CHD1: variants seen among roughly 807,000 people sequenced by gnomAD.
CHD1 encodes chromodomain helicase DNA binding protein 1, also known as ATP-dependent chromatin remodeler CHD1.
Under a neutral mutation model 224.2 loss-of-function variants are expected in CHD1, and 36 were observed. That is an observed-to-expected ratio of 0.16 (90% CI 0.12 to 0.21). CHD1 has a LOEUF of 0.21. Among genes scored for constraint, CHD1 ranks in the 10% least tolerant of loss-of-function variants. The pLI, the probability that CHD1 is intolerant of heterozygous loss-of-function variation, is 1.00. For missense variants in CHD1, 1,378 were observed against 1,994.8 expected (o/e 0.69, Z 5.89); for synonymous variants, 668 against 658.3 (o/e 1.01, Z -0.23).
Position 98,856,472 on chromosome 5 carries a change from G to C in CHD1, c.5041C>G (p.Gln1681Glu). 1.2e-6 allele frequency: 2 copies of C among 1,613,722 alleles called. No individual in the cohort carries two copies. The highest frequency in any genetic ancestry group is 3.3e-5 in the Admixed American group (2 of 60,000). ...GATCTGGAGCCATAAGGAGATCTCT[G>C]ATCTAGTGGTGACCTAGGGCCACTG... is the stretch of plus-strand genomic sequence containing the variant. Reference protein sequence around the residue: ...SSSGPRSPLDQRSPYGSRSPF... With the variant: ...SSSGPRSPLDERSPYGSRSPF... The change falls in exon 36 of 36, where the codon CAG (glutamine) becomes GAG (glutamate). Residue 1681 changes from glutamine (Q) to glutamate (E), a missense_variant. Around this residue, in one of 16 missense-constraint regions of CHD1, gnomAD observed 278 missense variants for 298.5 expected, o/e 0.93. Transcript: ENST00000614616.
chr5:98,858,065 A>C, intron 35 of CHD1, 115 bp downstream of exon 35: 1 of 738,968 alleles, frequency 1.4e-6, no homozygotes, highest in South Asian at 1.8e-5. Context: ...TTTATTTCAC[A>C]AGATTTGTTT....
chr5:98,864,027 C>A (rs1263712798), intron 31 of CHD1, among the ~76,000 whole-genome samples: 2 of 152,124 alleles, frequency 1.3e-5, no homozygotes, highest in African/African-American at 4.8e-5. Context: ...AAACTGTATT[C>A]TTCCAAACCT....
At chr5:98,862,848 T>C (rs144244298) in intron 32 of CHD1, among the ~76,000 whole-genome samples, 2 of 152,184 alleles carry the variant, frequency 1.3e-5, no homozygotes, top group Admixed American at 1.3e-4. Context: ...ATAGTTCCAG[T>C]TAAATGTAAA....
At chr5:98,860,163 T>A (rs1398607757) in intron 32 of CHD1, 95 bp from the exon 33 acceptor site, 4 of 710,118 alleles carry the variant, frequency 5.6e-6, no homozygotes, top group African/African-American at 5.3e-5. Flanking sequence ...CAAACACATA[T>A]ACACATACAC....
Position 98,878,262 on chromosome 5 carries a change from C to A in CHD1, c.3237+1290G>T, listed in dbSNP as rs144275302. ...CAGCCTTGGAGAAAGTGAGCAGTCA[C>A]CTTTGTGGAAACAGGAAGGAAGCCT... On this transcript the variant is annotated intron_variant, in intron 23 of 35. Transcript: ENST00000614616. Among the ~76,000 whole-genome samples the A allele has an allele frequency of 2.0e-5, 3 of 152,318 alleles. No individual in the cohort carries two copies. The East Asian group carries it at 5.8e-4, about 29-fold the overall frequency.
intron 25 of CHD1, among the ~76,000 whole-genome samples, chr5:98,874,620 G>A (rs1452489132): frequency 6.6e-6 from 1 of 151,226 alleles, no homozygotes; most frequent in East Asian, 1.9e-4. Context: ...GCTGAAGCAG[G>A]AGGATCACAT....
chr5:98,856,319 T>C lies in CHD1; in HGVS notation c.*61A>G, dbSNP rs2112434484. ...CTTTCAAGTCATGTAAGGCAATTAC[T>C]GTGTTGGTTTATGATATATGGCTAA... On this transcript the variant is annotated 3_prime_UTR_variant, in exon 36 of 36. Transcript: ENST00000614616. 4 of 1,206,244 alleles carry C rather than the reference T, an allele frequency of 3.3e-6. No homozygotes were observed. In the South Asian group the frequency reaches 5.3e-5, roughly 16 times the overall value. The allele number at this position is 1,206,244 out of a possible 1,614,324, so 74.7% of individuals were successfully genotyped here. A position where few individuals can be genotyped will look rare whatever the true frequency, so the allele number is the denominator to read the frequency against.
intron 31 of CHD1, among the ~76,000 whole-genome samples, chr5:98,868,260 G>A (rs1213480664): frequency 6.7e-6 from 1 of 148,712 alleles, no homozygotes; most frequent in Non-Finnish European, 1.5e-5. Context: ...CCAGGAGGTT[G>A]AAGCCGCAAT....
intron 10 of CHD1, 118 bp from the exon 11 acceptor site, chr5:98,897,438 G>T: frequency 1.5e-6 from 1 of 689,168 alleles, no homozygotes; most frequent in East Asian, 2.9e-5. Flanking sequence ...ATCAAGCTCA[G>T]AGATTCCATT....
Position 98,856,332 on chromosome 5 carries a change from G to A in CHD1, c.*48C>T. 7.2e-7 allele frequency: 1 copy of A among 1,395,306 alleles called. No homozygotes were observed. Among genetic ancestry groups the A allele is most frequent in the Non-Finnish European group, 1.0e-6 (1 of 992,494 alleles). 86.4% of individuals were successfully genotyped at this position (1,395,306 alleles called of 1,614,324 possible). A position where few individuals can be genotyped will look rare whatever the true frequency, so the allele number is the denominator to read the frequency against. ...TAAGGCAATTACTGTGTTGGTTTAT[G>A]ATATATGGCTAAAAGAAAAGTCCAG... On this transcript the variant is annotated 3_prime_UTR_variant, in exon 36 of 36. Transcript: ENST00000614616.
At chr5:98,899,328 T>C (rs780533313) in intron 8 of CHD1, 152 bp downstream of exon 8, 5 of 585,198 alleles carry the variant, frequency 8.5e-6, no homozygotes, top group South Asian at 2.4e-5. Context: ...AAACCAAGGA[T>C]AGAGAAGCTG....
chr5:98,863,532 C>G lies in CHD1; in HGVS notation c.4303G>C (p.Glu1435Gln). 6.2e-7 allele frequency: 1 copy of G among 1,608,692 alleles called. No individual in the cohort carries two copies. Among genetic ancestry groups the G allele is most frequent in the Non-Finnish European group, 8.5e-7 (1 of 1,178,226 alleles). ...KAALKQLDRP[E>Q]KGLSEREQLE... is the part of the protein sequence containing the mutation. Reference sequence around the variant, plus strand: ...TGTTCTCTTTCTGAAAGGCCTTTCTCAGGCCTATCAAGTTGTTTCAAAGCT... The same window carrying G: ...TGTTCTCTTTCTGAAAGGCCTTTCTGAGGCCTATCAAGTTGTTTCAAAGCT... Residue 1435 changes from glutamate to glutamine, a missense_variant, in exon 32 of 36, where the codon GAG becomes CAG. Glu to Gln is a conservative substitution (Grantham distance 29, BLOSUM62 2). Transcript: ENST00000614616.
chr5:98,873,777 TTTAAGA>T (rs758702920), intron 25 of CHD1, 54 bp from the exon 26 acceptor site: 53 of 1,529,118 alleles, frequency 3.5e-5, no homozygotes, highest in Non-Finnish European at 3.3e-5. Flanking sequence ...AGTGGTGCCA[TTTAAGA>T]TTAAGTTTCA....
chr5:98,856,455 G>A lies in CHD1; in HGVS notation c.5058C>T (p.Gly1686=). 1.9e-6 allele frequency: 3 copies of A among 1,601,188 alleles called. No individual in the cohort carries two copies. The highest frequency in any genetic ancestry group is 2.6e-6 in the Non-Finnish European group (3 of 1,174,726). ...RSPLDQRSPY[G]SRSPFEHSVE... The stretch of plus-strand genomic sequence containing the variant: ...CTGAATGTTCAAATGGAGATCTGGA[G>A]CCATAAGGAGATCTCTGATCTAGTG... The change falls in exon 36 of 36, where the codon GGC becomes GGT. Residue 1686 remains glycine, a synonymous_variant. Transcript: ENST00000614616.
rs201811225 is a variant in CHD1, at chr5:98,898,289, G to A, written c.1332C>T (p.Asn444=). The change falls in exon 10 of 36, where the codon AAC becomes AAT. Residue 444 remains asparagine, a synonymous_variant. Coordinates refer to ENST00000614616, the MANE Select transcript of CHD1 (RefSeq NM_001270.4). ...CTTTAAAAGGAGTGGTTTTTGATTG[G>A]TTCCTGCTAAAATACTCATCAATGC... The part of the protein sequence containing the change: ...QACIDEYFSR[N]QSKTTPFKDC... 1.9e-5 allele frequency: 30 copies of A among 1,557,678 alleles called. No homozygotes were observed. The African/African-American group carries it at 3.4e-4, about 18-fold the overall frequency.
Position 98,868,753 on chromosome 5 carries a change from T to C in CHD1, c.4108-118A>G, listed in dbSNP as rs117333428. 2,347 of 955,084 alleles carry C rather than the reference T, an allele frequency of 2.5e-3. 35 individuals are homozygous for C. The East Asian group carries it at 0.03, about 12-fold the overall frequency. 59.2% of individuals were successfully genotyped at this position (955,084 alleles called of 1,614,324 possible). ...TTTATTCTACAAGTGCTCATTCTCA[T>C]TGAATATCCTCATCTATTTTAATTT... On this transcript the variant is annotated intron_variant, in intron 30 of 35. Coordinates refer to ENST00000614616, the MANE Select transcript of CHD1 (RefSeq NM_001270.4).
At chr5:98,889,593 T>C (rs563340246) in intron 15 of CHD1, 7 of 159,320 alleles carry the variant, frequency 4.4e-5, no homozygotes, top group African/African-American at 9.6e-5. Context: ...TTATTTTGCA[T>C]GGACCTAAAA....
At chr5:98,917,664 TGA>T (rs994081431) in intron 2 of CHD1, among the ~76,000 whole-genome samples, 18 of 152,210 alleles carry the variant, frequency 1.2e-4, no homozygotes, top group African/African-American at 4.3e-4. Context: ...GCCTCAGTTC[TGA>T]GAGATACTGT....
intron 11 of CHD1, 101 bp downstream of exon 11, chr5:98,897,092 C>G: frequency 8.8e-7 from 1 of 1,140,014 alleles, no homozygotes; most frequent in Non-Finnish European, 1.3e-6. Flanking sequence ...TATAAACTGC[C>G]AAAGAGTCTT....
Sources: allele counts gnomAD v4.1 joint callset (sites outside exome capture counted in the v4.1 genomes callset), GRCh38; gene constraint gnomAD v4.1.1; regional missense constraint gnomAD v4.1.1; transcripts MANE v1.5; gene names NCBI Gene and HGNC (gene_info 2026-07-23, HGNC 2026-07-21).